AGTPBP1: variants seen among roughly 807,000 people sequenced by gnomAD.
The protein encoded by AGTPBP1 is cytosolic carboxypeptidase 1.
AGTPBP1 carries 70 observed loss-of-function variants against 143.9 expected under a neutral mutation model. The ratio of observed to expected loss-of-function variants is 0.49; its 90% CI spans 0.40 to 0.59. The LOEUF (loss-of-function observed/expected upper bound fraction) is 0.59. AGTPBP1 is among the 20% of genes least tolerant of loss of function. The pLI, the probability that AGTPBP1 is intolerant of heterozygous loss-of-function variation, is 0.00. For missense variants in AGTPBP1, 1,229 were observed against 1,464.5 expected, an observed-to-expected ratio of 0.84 and a Z score of 2.62; for synonymous variants, 463 against 500.2, an observed-to-expected ratio of 0.93 and a Z score of 0.99.
At chr9:85,557,426 C>A (rs369325923) in intron 25 of AGTPBP1, among the ~76,000 whole-genome samples, 17 of 152,194 alleles carry the variant, frequency 1.1e-4, no homozygotes, top group Middle Eastern at 3.4e-3. Context: ...ACTACGATTT[C>A]CAAAGTACAA....
chr9:85,659,880 T>C (rs191138191), intron 9 of AGTPBP1, among the ~76,000 whole-genome samples: 1 of 152,248 alleles, frequency 6.6e-6, no homozygotes, highest in African/African-American at 2.4e-5. Context: ...ATCCACGTAT[T>C]GTGATCTTGG....
At chr9:85,611,047 T>A (rs1029571774) in intron 17 of AGTPBP1, among the ~76,000 whole-genome samples, 1 of 151,720 alleles carries the variant, frequency 6.6e-6, no homozygotes, top group South Asian at 2.1e-4. Flanking sequence ...CAACTTATCA[T>A]CAGAATCTGG....
intron 23 of AGTPBP1, among the ~76,000 whole-genome samples, chr9:85,580,829 A>T (rs541242615): frequency 2.0e-5 from 3 of 152,360 alleles, no homozygotes; most frequent in African/African-American, 7.2e-5. Flanking sequence ...TGACTAAAAG[A>T]CTGAGACAGA....
At chr9:85,700,957 G>A (rs759530089) in intron 2 of AGTPBP1, among the ~76,000 whole-genome samples, 12 of 151,368 alleles carry the variant, frequency 7.9e-5, no homozygotes, top group Non-Finnish European at 1.6e-4. Context: ...TTGTTCTGTC[G>A]CCCAGGCTGG....
At chr9:85,580,898 A>T (rs1352557615) in intron 23 of AGTPBP1, among the ~76,000 whole-genome samples, 1 of 152,220 alleles carries the variant, frequency 6.6e-6, no homozygotes, top group Non-Finnish European at 1.5e-5. Flanking sequence ...AAAAGTTGCT[A>T]TGTAGTGTTT....
chr9:85,674,900 CTT>C (rs1308672553), intron 6 of AGTPBP1, among the ~76,000 whole-genome samples: 1 of 151,676 alleles, frequency 6.6e-6, no homozygotes, highest in African/African-American at 2.4e-5. Context: ...AGGCAAAACT[CTT>C]TTTTTTCTTT....
chr9:85,681,382 G>T, intron 3 of AGTPBP1, 47 bp from the exon 4 acceptor site: 2 of 1,527,648 alleles, frequency 1.3e-6, no homozygotes, highest in Non-Finnish European at 1.8e-6. Flanking sequence ...ATTTTTAAAA[G>T]TATGTATAGT....
At chr9:85,548,006 G>A (rs1000918859) in intron 25 of AGTPBP1, among the ~76,000 whole-genome samples, 9 of 151,966 alleles carry the variant, frequency 5.9e-5, no homozygotes, top group Non-Finnish European at 1.0e-4. Flanking sequence ...CCCCATTTGT[G>A]AGATTTACAC....
chr9:85,776,064 G>T, the AGTPBP1 span, among the ~76,000 whole-genome samples: 2 of 152,142 alleles, frequency 1.3e-5, no homozygotes, highest in Non-Finnish European at 2.9e-5. Context: ...ACAATAATAA[G>T]GTTATAATTA....
At chr9:85,792,343 A>C in the AGTPBP1 span, 1 of 152,230 alleles carries the variant, frequency 6.6e-6, no homozygotes, top group African/African-American at 2.4e-5. Flanking sequence ...TTTTGTTGTT[A>C]CTTTCTAGCA....
At chr9:85,738,799 C>A (rs1270640657) in intron 1 of AGTPBP1, among the ~76,000 whole-genome samples, 1 of 152,002 alleles carries the variant, frequency 6.6e-6, no homozygotes, top group Non-Finnish European at 1.5e-5. Flanking sequence ...TCATTTAACC[C>A]CAAAGGAGCA....
At chr9:85,741,752 G>A in intron 1 of AGTPBP1, 23 bp downstream of exon 1, 2 of 1,306,044 alleles carry the variant, frequency 1.5e-6, no homozygotes, top group Non-Finnish European at 1.9e-6. Context: ...GCCGGGACAT[G>A]AGGACTGCAG....
intron 3 of AGTPBP1, among the ~76,000 whole-genome samples, chr9:85,684,971 T>C (rs1308756322): frequency 6.7e-6 from 1 of 149,710 alleles, no homozygotes; most frequent in East Asian, 2.0e-4. Context: ...AAGTGCACAC[T>C]TGAGAATAAA....
chr9:85,614,061 A>AT (rs1830472477), intron 17 of AGTPBP1, among the ~76,000 whole-genome samples: 1 of 152,062 alleles, frequency 6.6e-6, no homozygotes, highest in African/African-American at 2.4e-5. Context: ...GAAATTCTTT[A>AT]TTTTTATTTT....
rs149424549 is a variant in AGTPBP1, at chr9:85,598,253, T to A, written c.2336-1804A>T. ...TTCTTAGAATCCAGTCCACTTTTTT[T>A]AAAGTGTATTTCCAGGATACCACTA... On this transcript the variant is annotated intron_variant, in intron 17 of 25. Transcript: ENST00000357081. Among the ~76,000 whole-genome samples, 1,374 of 152,278 alleles carry A rather than the reference T, an allele frequency of 9.0e-3. 24 individuals are homozygous for A. The highest frequency in any genetic ancestry group is 0.031 in the African/African-American group (1,284 of 41,546).
intron 2 of AGTPBP1, among the ~76,000 whole-genome samples, chr9:85,703,489 C>G (rs1326260401): frequency 6.6e-6 from 1 of 152,154 alleles, no homozygotes; most frequent in Non-Finnish European, 1.5e-5. Flanking sequence ...GTGATAGATA[C>G]AAAACATAGT....
chr9:85,564,726 C>T (rs1340244446), intron 25 of AGTPBP1, among the ~76,000 whole-genome samples: 5 of 152,188 alleles, frequency 3.3e-5, no homozygotes, highest in Non-Finnish European at 7.3e-5. Flanking sequence ...TACAAATACA[C>T]TATATGATAT....
intron 8 of AGTPBP1, among the ~76,000 whole-genome samples, chr9:85,668,967 ATG>A (rs539493558): frequency 0.19 from 22,007 of 114,064 alleles, 2,427 homozygotes; most frequent in African/African-American, 0.24. Context: ...ACATACATAC[ATG>A]TGTGTGTGTG....
the AGTPBP1 span, among the ~76,000 whole-genome samples, chr9:85,799,976 C>G: frequency 6.6e-6 from 1 of 152,210 alleles, no homozygotes; most frequent in Non-Finnish European, 1.5e-5. Flanking sequence ...GAGACCTCTT[C>G]TCTTGGAGCA....
Sources: gnomAD v4.1 joint callset for allele counts (sites outside exome capture counted in the v4.1 genomes callset) on GRCh38, gnomAD v4.1.1 for gene constraint, MANE v1.5 for transcripts, NCBI Gene and HGNC (gene_info 2026-07-23, HGNC 2026-07-21) for gene names.